SLC4A8: variants seen among roughly 807,000 people sequenced by gnomAD.
SLC4A8 encodes solute carrier family 4 member 8.
Under a neutral mutation model 125.0 loss-of-function variants are expected in SLC4A8, and 40 were observed. The ratio of observed to expected loss-of-function variants is 0.32; its 90% CI spans 0.25 to 0.42. The LOEUF (loss-of-function observed/expected upper bound fraction) is 0.42, where lower values mean the gene tolerates loss of function less well. Ranked by LOEUF, SLC4A8 falls within the 10% of genes least tolerant of loss-of-function variation. The pLI is 1.00. For synonymous variants in SLC4A8, 456 were observed against 476.0 expected (o/e 0.96, Z 0.55); for missense variants, 863 against 1,355.1 (o/e 0.64, Z 5.70).
chr12:51,406,417 C>T (rs1369668131), intron 1 of SLC4A8, among the ~76,000 whole-genome samples: 1 of 152,188 alleles, frequency 6.6e-6, no homozygotes, highest in Non-Finnish European at 1.5e-5. Flanking sequence ...TGGTCCCTAT[C>T]TGTAAGGAGC....
chr12:51,447,041 T>C (rs1033882498), intron 2 of SLC4A8, among the ~76,000 whole-genome samples: 32 of 145,436 alleles, frequency 2.2e-4, no homozygotes, highest in South Asian at 9.1e-4. Context: ...TGCCTGCCTG[T>C]CTGTCTGTCT....
chr12:51,512,118 C>T lies in SLC4A8; in HGVS notation c.*4680C>T, dbSNP rs1483011667. 1 of 152,226 alleles carries T rather than the reference C, an allele frequency of 6.6e-6. No homozygotes were observed. Among genetic ancestry groups the T allele is most frequent in the Admixed American group, 6.5e-5 (1 of 15,288 alleles). The allele number at this position is 152,226 out of a possible 1,614,324, so 9.4% of individuals were successfully genotyped here. A position where few individuals can be genotyped will look rare whatever the true frequency, so the allele number is the denominator to read the frequency against. On this transcript the variant is annotated 3_prime_UTR_variant, in exon 25 of 25. Transcript: ENST00000453097. The stretch of plus-strand genomic sequence containing the variant: ...ACAGACCTTCTGTCAGGTTGGCTTA[C>T]ATTATCATCAACAGGTTGCCGTAGT...
chr12:51,448,172 G>A (rs938982381), intron 2 of SLC4A8, among the ~76,000 whole-genome samples: 2 of 152,166 alleles, frequency 1.3e-5, no homozygotes, highest in Non-Finnish European at 2.9e-5. Context: ...ATTCATATGG[G>A]TGAGCCATGA....
chr12:51,478,752 G>A (rs1950933117), intron 16 of SLC4A8, among the ~76,000 whole-genome samples: 1 of 152,226 alleles, frequency 6.6e-6, no homozygotes, highest in Admixed American at 6.5e-5. Context: ...TCAACTGGGT[G>A]AAATATAGCA....
chr12:51,436,749 C>T (rs1183397742), intron 1 of SLC4A8, among the ~76,000 whole-genome samples: 1 of 152,192 alleles, frequency 6.6e-6, no homozygotes, highest in African/African-American at 2.4e-5. Context: ...GCCTCAGCCT[C>T]CCAAGTAGCT....
rs528640549 is a variant in SLC4A8 at position 51,508,868 on chromosome 12, C to G, written c.*1430C>G. On this transcript the variant is annotated 3_prime_UTR_variant, in exon 25 of 25. Transcript: ENST00000453097. ...GTGGGAAGTTCCCCGATGTGTTTTT[C>G]TTTCTTAGGTGAAGGGTTGGCTATA... 6.6e-6 allele frequency: 1 copy of G among 152,114 alleles called. No individual in the cohort carries two copies. The highest frequency in any genetic ancestry group is 2.4e-5 in the African/African-American group (1 of 41,416). The allele number at this position is 152,114 out of a possible 1,614,324, so 9.4% of individuals were successfully genotyped here.
intron 1 of SLC4A8, among the ~76,000 whole-genome samples, chr12:51,433,796 G>A (rs1424854316): frequency 6.7e-6 from 1 of 149,930 alleles, no homozygotes; most frequent in African/African-American, 2.5e-5. Flanking sequence ...GAGAGATTTT[G>A]CATAGTGAAT....
chr12:51,433,305 C>T (rs1230780864), intron 1 of SLC4A8, among the ~76,000 whole-genome samples: 1 of 152,174 alleles, frequency 6.6e-6, no homozygotes. Flanking sequence ...GAGGTAGGCA[C>T]TCAAGTCAAT....
At chr12:51,472,351 G>A (rs1488567477) in intron 14 of SLC4A8, among the ~76,000 whole-genome samples, 1 of 152,096 alleles carries the variant, frequency 6.6e-6, no homozygotes, top group Non-Finnish European at 1.5e-5. Context: ...CTTTCTGGAG[G>A]CATCTGCGGA....
At chr12:51,437,284 C>T (rs545505747) in intron 1 of SLC4A8, among the ~76,000 whole-genome samples, 28 of 152,288 alleles carry the variant, frequency 1.8e-4, no homozygotes, top group Non-Finnish European at 3.5e-4. Context: ...GAACAGTAAG[C>T]TGGAAACTTG....
At chr12:51,436,051 C>A (rs1012078386) in intron 1 of SLC4A8, among the ~76,000 whole-genome samples, 1 of 152,044 alleles carries the variant, frequency 6.6e-6, no homozygotes, top group South Asian at 2.1e-4. Flanking sequence ...AAAATAAAAA[C>A]GCATTGTATA....
At chr12:51,461,168 T>A in intron 8 of SLC4A8, 36 bp from the exon 9 acceptor site, 1 of 1,094,612 alleles carries the variant, frequency 9.1e-7, no homozygotes, top group Non-Finnish European at 1.4e-6. Flanking sequence ...TCTTTATATT[T>A]ACTTACATAA....
chr12:51,420,675 G>A (rs1298863520), upstream of SLC4A8, among the ~76,000 whole-genome samples: 1 of 152,170 alleles, frequency 6.6e-6, no homozygotes, highest in Non-Finnish European at 1.5e-5. Flanking sequence ...TATTATAGAA[G>A]AGAAAGAATA....
Position 51,452,448 on chromosome 12 carries a change from A to G in SLC4A8, c.413+189A>G, listed in dbSNP as rs114189524. ...CTTTATGATGTCTTTGGTGTTACCT[A>G]TGCCAGTTGACCTGGAGCATGGGAT... On this transcript the variant is annotated intron_variant, in intron 4 of 24. Coordinates refer to ENST00000453097, the MANE Select transcript of SLC4A8 (RefSeq NM_001039960.3). Among the ~76,000 whole-genome samples, 757 of 152,294 alleles carry G rather than the reference A, an allele frequency of 5.0e-3. 5 individuals carry two copies. Among genetic ancestry groups the G allele is most frequent in the African/African-American group, 0.017 (709 of 41,558 alleles).
intron 22 of SLC4A8, 56 bp from the exon 23 acceptor site, chr12:51,503,973 G>T: frequency 1.1e-6 from 1 of 917,420 alleles, no homozygotes; most frequent in South Asian, 1.6e-5. Flanking sequence ...AGAATGGGCT[G>T]GTGAACTTAT....
chr12:51,409,948 G>A (rs1948564057), intron 1 of SLC4A8, among the ~76,000 whole-genome samples: 1 of 152,208 alleles, frequency 6.6e-6, no homozygotes, highest in South Asian at 2.1e-4. Flanking sequence ...TGTCGGGTGC[G>A]GGTTCTGCAT....
chr12:51,469,597 C>CTG lies in SLC4A8; in HGVS notation c.1350-15_1350-14dup. On this transcript the variant is annotated splice_polypyrimidine_tract_variant and intron_variant, in intron 11 of 24. Transcript: ENST00000453097. ...AAGACGGACTGTGTTAGAAGCCTGTCTGTTGTGTTTCCACAGGCTATTTGG... is the reference window on the plus strand; with the variant it reads ...AAGACGGACTGTGTTAGAAGCCTGTCTGTGTTGTGTTTCCACAGGCTATTTGG... The CTG allele has an allele frequency of 6.2e-7, 1 of 1,610,514 alleles. No individual in the cohort carries two copies. The highest frequency in any genetic ancestry group is 8.5e-7 in the Non-Finnish European group (1 of 1,178,098).
At chr12:51,472,273 C>T (rs1037686643) in intron 14 of SLC4A8, among the ~76,000 whole-genome samples, 9 of 152,150 alleles carry the variant, frequency 5.9e-5, no homozygotes, top group African/African-American at 1.7e-4. Context: ...CTGTACAGTT[C>T]TGATGTGGAG....
intron 16 of SLC4A8, among the ~76,000 whole-genome samples, chr12:51,482,241 A>T (rs1463097003): frequency 6.6e-6 from 1 of 152,184 alleles, no homozygotes; most frequent in African/African-American, 2.4e-5. Context: ...TCAATATTTT[A>T]TATTGATTAC....
Sources: allele counts gnomAD v4.1 joint callset (sites outside exome capture counted in the v4.1 genomes callset), GRCh38; gene constraint gnomAD v4.1.1; transcripts MANE v1.5; gene names NCBI Gene and HGNC (gene_info 2026-07-23, HGNC 2026-07-21).